The following MAJIN variants were observed in gnomAD, a reference collection of about 807,000 sequenced individuals.
MAJIN encodes the protein membrane-anchored junction protein.
Under a neutral mutation model 30.2 loss-of-function variants are expected in MAJIN, and 27 were observed. The ratio of observed to expected loss-of-function variants is 0.89; its 90% CI spans 0.66 to 1.23. The LOEUF (loss-of-function observed/expected upper bound fraction) is 1.23. MAJIN is among the 50% of genes most tolerant of loss of function. MAJIN has a pLI of 0.00. For missense variants in MAJIN, 253 were observed against 260.3 expected, an observed-to-expected ratio of 0.97 and a Z score of 0.19; for synonymous variants, 78 against 91.6, an observed-to-expected ratio of 0.85 and a Z score of 0.85.
At chr11:64,947,859 T>A in intron 6 of MAJIN, 40 bp from the exon 7 acceptor site, 5 of 222,566 alleles carry the variant, frequency 2.2e-5, no homozygotes, top group South Asian at 9.3e-5. Context: ...GATTTAAGAC[T>A]TTTTTTTTTT....
chr11:64,961,776 C>T (rs1210391822), intron 1 of MAJIN, among the ~76,000 whole-genome samples: 10 of 147,146 alleles, frequency 6.8e-5, no homozygotes, highest in Non-Finnish European at 1.5e-4. Flanking sequence ...GCGCCTGGCT[C>T]TTTTTTTTTC....
intron 8 of MAJIN, among the ~76,000 whole-genome samples, chr11:64,943,807 C>A (rs1386442406): frequency 3.9e-5 from 6 of 152,176 alleles, no homozygotes; most frequent in Admixed American, 3.9e-4. Context: ...GGAAAATGTT[C>A]CTTTAATAGT....
chr11:64,957,326 CA>C, intron 3 of MAJIN, among the ~76,000 whole-genome samples: 1 of 151,524 alleles, frequency 6.6e-6, no homozygotes, highest in East Asian at 2.0e-4. Flanking sequence ...GCAATCCTCC[CA>C]CTTGAGCCTC....
chr11:64,945,432 AG>A (rs1306367933), intron 8 of MAJIN, among the ~76,000 whole-genome samples: 4 of 147,562 alleles, frequency 2.7e-5, no homozygotes, highest in Non-Finnish European at 6.0e-5. Flanking sequence ...GAAGGCAAAA[AG>A]TTTCCTAAAG....
intron 1 of MAJIN, among the ~76,000 whole-genome samples, chr11:64,966,145 G>GAAAAAAAAA (rs58387921): frequency 0.029 from 1,633 of 57,098 alleles, 324 homozygotes; most frequent in Middle Eastern, 0.083. Flanking sequence ...GATTAAAAAT[G>GAAAAAAAAA]AAAAAAAAAA....
At chr11:64,954,872 G>T (rs1189070245) in intron 3 of MAJIN, 70 bp from the exon 4 acceptor site, 31 of 1,354,282 alleles carry the variant, frequency 2.3e-5, no homozygotes, top group Non-Finnish European at 2.8e-5. Flanking sequence ...ACTCTACTAG[G>T]GCAAAAATAA....
chr11:64,967,742 G>C (rs1021813693), intron 1 of MAJIN, among the ~76,000 whole-genome samples: 2 of 152,190 alleles, frequency 1.3e-5, no homozygotes, highest in African/African-American at 4.8e-5. Context: ...AGACCCTACA[G>C]TGTATCAGGC....
chr11:64,940,743 C>T (rs1401936831), intron 8 of MAJIN, 97 bp from the exon 9 acceptor site: 2 of 1,074,232 alleles, frequency 1.9e-6, no homozygotes, highest in Admixed American at 3.6e-5. Flanking sequence ...CATATCAGCA[C>T]TGGGGCCTGG....
At chr11:64,964,296 C>G (rs1030878001) in intron 1 of MAJIN, among the ~76,000 whole-genome samples, 44 of 152,170 alleles carry the variant, frequency 2.9e-4, no homozygotes, top group African/African-American at 7.5e-4. Context: ...TCCACCTTTG[C>G]TGAAGTAGAT....
chr11:64,957,464 G>T (rs766320668), intron 3 of MAJIN, among the ~76,000 whole-genome samples: 1 of 152,070 alleles, frequency 6.6e-6, no homozygotes, highest in Non-Finnish European at 1.5e-5. Context: ...GGAGTGCAGC[G>T]GCGCGATCTG....
At chr11:64,968,751 G>C (rs965227852) in intron 1 of MAJIN, among the ~76,000 whole-genome samples, 3 of 151,340 alleles carry the variant, frequency 2.0e-5, no homozygotes, top group African/African-American at 4.9e-5. Context: ...AGAATGGCAC[G>C]AACCCAGGAG....
chr11:64,953,111 T>C (rs193041190), intron 4 of MAJIN, among the ~76,000 whole-genome samples: 2 of 152,336 alleles, frequency 1.3e-5, no homozygotes, highest in East Asian at 1.9e-4. Flanking sequence ...CTTGGAAATA[T>C]GACATACGTT....
chr11:64,962,695 G>C (rs1945746114), intron 1 of MAJIN, among the ~76,000 whole-genome samples: 1 of 152,148 alleles, frequency 6.6e-6, no homozygotes, highest in South Asian at 2.1e-4. Flanking sequence ...TCTACAAATG[G>C]GGATTCCAAC....
chr11:64,947,319 G>C, intron 8 of MAJIN, 55 bp downstream of exon 8: 1 of 1,473,372 alleles, frequency 6.8e-7, no homozygotes, highest in Non-Finnish European at 9.2e-7. Flanking sequence ...AACAGTAATA[G>C]CTGGCAAAGC....
At chr11:64,964,221 G>C (rs1248279850) in intron 1 of MAJIN, among the ~76,000 whole-genome samples, 2 of 152,180 alleles carry the variant, frequency 1.3e-5, no homozygotes, top group African/African-American at 4.8e-5. Context: ...TGGGATTACA[G>C]GCGTGAGCCA....
chr11:64,964,587 G>A (rs1167642598), intron 1 of MAJIN, among the ~76,000 whole-genome samples: 2 of 151,266 alleles, frequency 1.3e-5, no homozygotes, highest in Non-Finnish European at 2.9e-5. Flanking sequence ...AAACATCAAA[G>A]CAAAATTTAA....
chr11:64,966,101 T>C (rs1945803026), intron 1 of MAJIN, among the ~76,000 whole-genome samples: 1 of 123,950 alleles, frequency 8.1e-6, no homozygotes, highest in South Asian at 2.5e-4. Flanking sequence ...CACCATTGGG[T>C]GAGCTGCCCA....
At chr11:64,955,257 G>C (rs1318453602) in intron 3 of MAJIN, among the ~76,000 whole-genome samples, 1 of 149,022 alleles carries the variant, frequency 6.7e-6, no homozygotes, top group Non-Finnish European at 1.5e-5. Context: ...ATCAGTCAAA[G>C]AAATCTTTAC....
At chr11:64,952,949 C>T (rs1565132653) in intron 4 of MAJIN, among the ~76,000 whole-genome samples, 1 of 152,156 alleles carries the variant, frequency 6.6e-6, no homozygotes, top group Non-Finnish European at 1.5e-5. Flanking sequence ...AGGTGATCCA[C>T]CTGCCTCGGC....
Sources: allele counts gnomAD v4.1 joint callset (sites outside exome capture counted in the v4.1 genomes callset), GRCh38; gene constraint gnomAD v4.1.1; transcripts MANE v1.5; gene names NCBI Gene and HGNC (gene_info 2026-07-23, HGNC 2026-07-21).